The following SEMA3C variants were observed in gnomAD, a reference collection of about 807,000 sequenced individuals.
SEMA3C encodes the protein semaphorin-3C.
In SEMA3C, 47 loss-of-function variants were observed where a neutral mutation model predicts 89.4. The observed-to-expected ratio is 0.53, with a 90% CI of 0.42 to 0.67. The LOEUF is 0.67. Ranked by LOEUF, SEMA3C falls within the 30% of genes least tolerant of loss-of-function variation. SEMA3C has a pLI of 0.00. For synonymous variants in SEMA3C, 310 were observed against 320.2 expected, an observed-to-expected ratio of 0.97 and a Z score of 0.34; for missense variants, 839 against 929.1, an observed-to-expected ratio of 0.90 and a Z score of 1.26.
intron 11 of SEMA3C, chr7:80,793,550 A>G (rs896731486): frequency 1.4e-5 from 6 of 423,490 alleles, no homozygotes; most frequent in Admixed American, 1.1e-4. Context: ...ACAAAAAGTA[A>G]TAATTTGAAA....
intron 12 of SEMA3C, among the ~76,000 whole-genome samples, chr7:80,788,737 C>A (rs1788863026): frequency 6.6e-6 from 1 of 152,086 alleles, no homozygotes; most frequent in African/African-American, 2.4e-5. Context: ...CATTCACTTC[C>A]AAATGTTATA....
intron 14 of SEMA3C, among the ~76,000 whole-genome samples, chr7:80,760,096 A>C (rs3807097): frequency 0.1 from 15,955 of 152,214 alleles, 1,227 homozygotes; most frequent in East Asian, 0.25. Context: ...AATACACATA[A>C]GATGTCATTA....
chr7:80,775,653 C>T (rs1788531963), intron 12 of SEMA3C, among the ~76,000 whole-genome samples: 2 of 152,174 alleles, frequency 1.3e-5, no homozygotes, highest in Admixed American at 1.3e-4. Flanking sequence ...AAAACCTGAC[C>T]TGCACTGACT....
At chr7:80,802,385 C>T (rs1307185609) in intron 9 of SEMA3C, among the ~76,000 whole-genome samples, 1 of 152,024 alleles carries the variant, frequency 6.6e-6, no homozygotes, top group Non-Finnish European at 1.5e-5. Context: ...CATATCATTA[C>T]CTATACACAC....
intron 2 of SEMA3C, chr7:80,847,343 T>C (rs548700708): frequency 6.6e-6 from 1 of 152,228 alleles, no homozygotes; most frequent in Non-Finnish European, 1.5e-5. Context: ...CTTCGTTTTG[T>C]TACTGTAGTA....
chr7:80,866,115 A>G (rs1790921014), intron 2 of SEMA3C, among the ~76,000 whole-genome samples: 1 of 152,208 alleles, frequency 6.6e-6, no homozygotes, highest in Admixed American at 6.5e-5. Context: ...TAAAGATCCA[A>G]CAGTGTTTTC....
chr7:80,821,198 C>T (rs555439098), intron 4 of SEMA3C, among the ~76,000 whole-genome samples: 3 of 152,240 alleles, frequency 2.0e-5, no homozygotes, highest in African/African-American at 4.8e-5. Context: ...TTATTTAACA[C>T]TTACTGTATG....
chr7:80,830,561 T>A (rs1252307209), intron 2 of SEMA3C, among the ~76,000 whole-genome samples: 1 of 152,198 alleles, frequency 6.6e-6, no homozygotes, highest in Non-Finnish European at 1.5e-5. Context: ...AATACAGGAT[T>A]TTTTATGTTG....
chr7:80,767,954 A>G (rs1442355469), intron 12 of SEMA3C, among the ~76,000 whole-genome samples: 1 of 152,218 alleles, frequency 6.6e-6, no homozygotes, highest in Non-Finnish European at 1.5e-5. Context: ...AAAACACAGC[A>G]AACTGAAAAA....
chr7:80,765,702 G>A (rs931900095), intron 12 of SEMA3C, among the ~76,000 whole-genome samples: 1 of 151,942 alleles, frequency 6.6e-6, no homozygotes, highest in Non-Finnish European at 1.5e-5. Flanking sequence ...GCAGCCTCCC[G>A]GGTATCTGGG....
intron 2 of SEMA3C, among the ~76,000 whole-genome samples, chr7:80,863,926 T>C (rs567966321): frequency 1.7e-3 from 205 of 123,840 alleles, no homozygotes; most frequent in African/African-American, 7.0e-3. Flanking sequence ...ATATATATCA[T>C]ATATATCACA....
At chr7:80,757,796 C>T (rs1583849026) in intron 15 of SEMA3C, among the ~76,000 whole-genome samples, 1 of 152,062 alleles carries the variant, frequency 6.6e-6, no homozygotes, top group East Asian at 1.9e-4. Flanking sequence ...TGGTGAAACC[C>T]CATCTACTAA....
intron 2 of SEMA3C, among the ~76,000 whole-genome samples, chr7:80,883,248 G>A (rs746994925): frequency 7.2e-5 from 11 of 152,048 alleles, no homozygotes; most frequent in Non-Finnish European, 1.6e-4. Context: ...AAAATTAAAG[G>A]AAAGGGGTCT....
chr7:80,780,717 C>T (rs1484512631), intron 12 of SEMA3C, among the ~76,000 whole-genome samples: 1 of 152,108 alleles, frequency 6.6e-6, no homozygotes, highest in African/African-American at 2.4e-5. Context: ...AACCCCATCT[C>T]TACTAAAAAT....
intron 12 of SEMA3C, among the ~76,000 whole-genome samples, chr7:80,780,746 C>T (rs572591481): frequency 3.3e-5 from 5 of 152,038 alleles, no homozygotes; most frequent in African/African-American, 4.8e-5. Context: ...TAGCCAGGCG[C>T]GGTGGTGTGC....
Position 80,744,843 on chromosome 7 carries a change from T to C in SEMA3C, c.*51A>G, listed in dbSNP as rs775250053. On this transcript the variant is annotated 3_prime_UTR_variant, in exon 18 of 18. Coordinates refer to ENST00000265361, the MANE Select transcript of SEMA3C (RefSeq NM_006379.5). ...AGTTTCTTTGCTCAAAATTTGATCA[T>C]TGAAGACAGAGCATTTGTTAATGGA... 32 of 1,597,682 alleles carry C rather than the reference T, an allele frequency of 2.0e-5. No individual in the cohort carries two copies. The highest frequency in any genetic ancestry group is 2.3e-5 in the Non-Finnish European group (27 of 1,166,976).
chr7:80,882,669 C>T (rs1460016307), intron 2 of SEMA3C, among the ~76,000 whole-genome samples: 2 of 151,952 alleles, frequency 1.3e-5, no homozygotes, highest in Non-Finnish European at 2.9e-5. Flanking sequence ...TCATGTCTCA[C>T]TTCAAACAAT....
chr7:80,797,319 T>C (rs1212711912), intron 11 of SEMA3C, among the ~76,000 whole-genome samples: 3 of 152,192 alleles, frequency 2.0e-5, no homozygotes, highest in African/African-American at 7.2e-5. Context: ...CTGTTATCAA[T>C]GGACCCTTAG....
intron 2 of SEMA3C, among the ~76,000 whole-genome samples, chr7:80,896,516 A>G (rs146486265): frequency 2.6e-5 from 4 of 152,360 alleles, no homozygotes; most frequent in Non-Finnish European, 5.9e-5. Flanking sequence ...GCAATATACA[A>G]TTATTTGAGA....
Sources: allele counts gnomAD v4.1 joint callset (sites outside exome capture counted in the v4.1 genomes callset), GRCh38; gene constraint gnomAD v4.1.1; transcripts MANE v1.5; gene names NCBI Gene and HGNC (gene_info 2026-07-23, HGNC 2026-07-21).